The following CFAP210 variants were observed in gnomAD, a reference collection of about 807,000 sequenced individuals.
CFAP210 encodes the protein cilia and flagella associated protein 210.
At chr2:169,670,290 CT>C in the CFAP210 span, among the ~76,000 whole-genome samples, 1 of 152,070 alleles carries the variant, frequency 6.6e-6, no homozygotes, top group South Asian at 2.1e-4. Context: ...ACTGTGGTAT[CT>C]TATTTGTCTT....
chr2:169,663,306 G>A, the CFAP210 span, among the ~76,000 whole-genome samples: 10 of 151,192 alleles, frequency 6.6e-5, no homozygotes, highest in South Asian at 4.2e-4. Context: ...GGTAGGCATA[G>A]GGCAGGTCGA....
chr2:169,689,512 G>A, the CFAP210 span, among the ~76,000 whole-genome samples: 3 of 152,144 alleles, frequency 2.0e-5, no homozygotes, highest in African/African-American at 7.2e-5. Flanking sequence ...TAAATGTTTA[G>A]TACATTCTTT....
the CFAP210 span, among the ~76,000 whole-genome samples, chr2:169,660,309 G>T: frequency 6.6e-6 from 1 of 151,210 alleles, no homozygotes; most frequent in Non-Finnish European, 1.5e-5. Context: ...AGAATTGCTT[G>T]AACCCAGGAG....
At chr2:169,679,397 C>T in the CFAP210 span, among the ~76,000 whole-genome samples, 1 of 152,132 alleles carries the variant, frequency 6.6e-6, no homozygotes, top group East Asian at 1.9e-4. Flanking sequence ...GTGCCAGTGT[C>T]GGCTGGGCGC....
chr2:169,687,171 C>T, the CFAP210 span, among the ~76,000 whole-genome samples: 1 of 152,154 alleles, frequency 6.6e-6, no homozygotes, highest in Non-Finnish European at 1.5e-5. Flanking sequence ...CTGGGAGATA[C>T]AATTCAAGTT....
the CFAP210 span, chr2:169,649,215 ATGT>A: frequency 1.2e-6 from 2 of 1,612,924 alleles, no homozygotes; most frequent in African/African-American, 2.7e-5. Flanking sequence ...GAACCTCTTG[ATGT>A]TCTTTATCAG....
At chr2:169,662,375 C>A in the CFAP210 span, 1 of 1,604,856 alleles carries the variant, frequency 6.2e-7, no homozygotes, top group Non-Finnish European at 8.5e-7. Context: ...CGCTTTATTT[C>A]CTCAGCATCT....
At chr2:169,664,048 A>T in the CFAP210 span, among the ~76,000 whole-genome samples, 1 of 149,202 alleles carries the variant, frequency 6.7e-6, no homozygotes, top group African/African-American at 2.5e-5. Flanking sequence ...AAAAAAAAAA[A>T]TTTGGCCGGA....
chr2:169,676,164 T>C, the CFAP210 span, among the ~76,000 whole-genome samples: 5 of 152,192 alleles, frequency 3.3e-5, no homozygotes, highest in Non-Finnish European at 7.3e-5. Flanking sequence ...ATTTTTGTTA[T>C]ATGTCAAGTT....
chr2:169,648,982 T>C, the CFAP210 span, among the ~76,000 whole-genome samples: 2 of 152,210 alleles, frequency 1.3e-5, no homozygotes, highest in Non-Finnish European at 2.9e-5. Flanking sequence ...GGATAAACAT[T>C]CATTTAAAAG....
the CFAP210 span, among the ~76,000 whole-genome samples, chr2:169,685,582 G>C: frequency 6.6e-6 from 1 of 151,960 alleles, no homozygotes; most frequent in East Asian, 1.9e-4. Flanking sequence ...AGTGTTCTTT[G>C]ATGTATTAAT....
chr2:169,666,954 C>T, the CFAP210 span, among the ~76,000 whole-genome samples: 2 of 152,216 alleles, frequency 1.3e-5, 1 homozygote, highest in South Asian at 4.2e-4. Context: ...TGCAGCAATT[C>T]ACTCACATCT....
chr2:169,675,134 T>G, the CFAP210 span: 1 of 908,490 alleles, frequency 1.1e-6, no homozygotes. Context: ...GCTTTTATGT[T>G]TTTATTGTAT....
chr2:169,673,602 T>C, the CFAP210 span, among the ~76,000 whole-genome samples: 3 of 151,948 alleles, frequency 2.0e-5, no homozygotes, highest in African/African-American at 7.2e-5. Flanking sequence ...ATATGTGACA[T>C]ACAGGTATGT....
At chr2:169,650,280 G>T in the CFAP210 span, 2 of 1,437,282 alleles carry the variant, frequency 1.4e-6, no homozygotes, top group South Asian at 1.7e-5. Context: ...ACAGTGGAAA[G>T]GTCCTAACTC....
the CFAP210 span, chr2:169,674,461 G>A: frequency 2.4e-6 from 2 of 848,128 alleles, no homozygotes; most frequent in African/African-American, 3.5e-5. Context: ...CCTCCTTTTT[G>A]TACTTTTTCT....
chr2:169,677,935 CTT>C, the CFAP210 span, among the ~76,000 whole-genome samples: 1 of 152,040 alleles, frequency 6.6e-6, no homozygotes, highest in Non-Finnish European at 1.5e-5. Flanking sequence ...CAGATTGAAA[CTT>C]TTAAAAATAC....
At chr2:169,654,043 A>G in the CFAP210 span, 2 of 1,555,764 alleles carry the variant, frequency 1.3e-6, no homozygotes, top group African/African-American at 1.4e-5. Context: ...AATTTCAGAT[A>G]GTACTTTATT....
chr2:169,655,724 C>T, the CFAP210 span, among the ~76,000 whole-genome samples: 1 of 152,274 alleles, frequency 6.6e-6, no homozygotes, highest in African/African-American at 2.4e-5. Context: ...CTGTCCTACT[C>T]CAAGCCTACT....
Sources: allele counts gnomAD v4.1 joint callset (sites outside exome capture counted in the v4.1 genomes callset), GRCh38; gene constraint gnomAD v4.1.1; transcripts MANE v1.5; gene names NCBI Gene and HGNC (gene_info 2026-07-23, HGNC 2026-07-21).